Variants in PPP1CB observed in about 807,000 individuals in gnomAD.
The protein encoded by PPP1CB is serine/threonine-protein phosphatase PP1-beta catalytic subunit.
A neutral mutation model predicts 43.7 loss-of-function variants in PPP1CB; 2 were observed. The observed-to-expected ratio is 0.05, with a 90% CI of 0.02 to 0.14. The LOEUF (loss-of-function observed/expected upper bound fraction) is 0.14, where lower values mean the gene tolerates loss of function less well. Among genes scored for constraint, PPP1CB ranks in the 10% least tolerant of loss-of-function variants. PPP1CB has a pLI of 1.00. For synonymous variants in PPP1CB, 136 were observed against 135.6 expected, an observed-to-expected ratio of 1.00 and a Z score of -0.02; for missense variants, 84 against 398.0, an observed-to-expected ratio of 0.21 and a Z score of 6.71.
In PPP1CB at chr2:28,802,748, A is replaced by T. The variant is rs1489153206; in HGVS notation, c.*3445A>T. On this transcript the variant is annotated 3_prime_UTR_variant, in exon 8 of 8. Transcript: ENST00000395366. ...TTTGATCTGTTAAATTGGATTTTACATGTACATTTGAATGCCAGAATTTCT... is the reference window on the plus strand; with the variant it reads ...TTTGATCTGTTAAATTGGATTTTACTTGTACATTTGAATGCCAGAATTTCT... 1 of 152,340 alleles carries T rather than the reference A, an allele frequency of 6.6e-6. No individual in the cohort carries two copies. The highest frequency in any genetic ancestry group is 2.4e-5 in the African/African-American group (1 of 41,580). 9.4% of individuals were successfully genotyped at this position (152,340 alleles called of 1,614,324 possible). A position where few individuals can be genotyped will look rare whatever the true frequency, so the allele number is the denominator to read the frequency against.
intron 1 of PPP1CB, among the ~76,000 whole-genome samples, chr2:28,773,131 A>T (rs147045223): frequency 3.3e-5 from 5 of 152,308 alleles, no homozygotes; most frequent in Admixed American, 6.5e-5. Flanking sequence ...TTACTCAGGT[A>T]TATAGATAGT....
chr2:28,783,627 C>T (rs978024397), intron 4 of PPP1CB, among the ~76,000 whole-genome samples: 1 of 151,866 alleles, frequency 6.6e-6, no homozygotes, highest in Non-Finnish European at 1.5e-5. Context: ...TGTGGTGGCG[C>T]GCGTCTGTAG....
intron 6 of PPP1CB, among the ~76,000 whole-genome samples, chr2:28,791,883 A>G (rs1015203603): frequency 6.6e-6 from 1 of 152,110 alleles, no homozygotes; most frequent in African/African-American, 2.4e-5. Flanking sequence ...TATTGTGCTT[A>G]TTTTCAAATA....
chr2:28,755,852 CAGTTGATAT>C (rs1666477846), intron 1 of PPP1CB, among the ~76,000 whole-genome samples: 1 of 152,078 alleles, frequency 6.6e-6, no homozygotes, highest in African/African-American at 2.4e-5. Context: ...TGGGATGTGC[CAGTTGATAT>C]AGTATGTCTA....
intron 7 of PPP1CB, among the ~76,000 whole-genome samples, chr2:28,795,187 T>C (rs1426180032): frequency 6.6e-6 from 1 of 152,234 alleles, no homozygotes; most frequent in Non-Finnish European, 1.5e-5. Flanking sequence ...TCCTTAATTT[T>C]ATGGTCGCAT....
At chr2:28,787,707 A>G (rs1412681550) in intron 5 of PPP1CB, among the ~76,000 whole-genome samples, 2 of 152,120 alleles carry the variant, frequency 1.3e-5, no homozygotes, top group Admixed American at 6.5e-5. Flanking sequence ...CCCTTTCGGG[A>G]TACGTTTACT....
chr2:28,781,974 AC>A (rs1558306504), intron 4 of PPP1CB, 132 bp downstream of exon 4: 1 of 698,002 alleles, frequency 1.4e-6, no homozygotes, highest in East Asian at 2.7e-5. Flanking sequence ...ACTGTTTTAA[AC>A]ATGGCTAAAC....
intron 1 of PPP1CB, among the ~76,000 whole-genome samples, chr2:28,757,147 T>G (rs2148454658): frequency 6.6e-6 from 1 of 152,306 alleles, no homozygotes; most frequent in Non-Finnish European, 1.5e-5. Context: ...CAATATGTTG[T>G]CTTTTGTGAC....
intron 1 of PPP1CB, among the ~76,000 whole-genome samples, chr2:28,763,983 G>A (rs1449716246): frequency 6.6e-6 from 1 of 152,024 alleles, no homozygotes. Flanking sequence ...TTACAGGCAT[G>A]AGCCACCATG....
chr2:28,778,271 A>G (rs539610178), intron 2 of PPP1CB: 2 of 441,270 alleles, frequency 4.5e-6, no homozygotes, highest in Admixed American at 2.6e-5. Flanking sequence ...TTAGTTACCT[A>G]TTGTTGTATA....
At chr2:28,796,416 C>T (rs1667498452) in intron 7 of PPP1CB, among the ~76,000 whole-genome samples, 1 of 152,132 alleles carries the variant, frequency 6.6e-6, no homozygotes, top group Admixed American at 6.6e-5. Flanking sequence ...ATTCTTCTAT[C>T]CATGAGCATG....
chr2:28,768,270 A>T (rs1234030289), intron 1 of PPP1CB, among the ~76,000 whole-genome samples: 1 of 152,146 alleles, frequency 6.6e-6, no homozygotes, highest in Non-Finnish European at 1.5e-5. Context: ...ATAGATCCCA[A>T]ATAAAAAGTG....
chr2:28,777,543 A>G (rs1667067497), intron 2 of PPP1CB, among the ~76,000 whole-genome samples: 2 of 152,200 alleles, frequency 1.3e-5, no homozygotes, highest in African/African-American at 4.8e-5. Flanking sequence ...AGATTATACT[A>G]CTTTATACCT....
intron 2 of PPP1CB, among the ~76,000 whole-genome samples, chr2:28,777,860 G>C (rs996755777): frequency 6.6e-6 from 1 of 152,122 alleles, no homozygotes; most frequent in Non-Finnish European, 1.5e-5. Flanking sequence ...CTCCATGTTG[G>C]CCAGGCTGGT....
intron 1 of PPP1CB, among the ~76,000 whole-genome samples, chr2:28,770,538 TG>T: frequency 6.6e-6 from 1 of 152,194 alleles, no homozygotes; most frequent in South Asian, 2.1e-4. Context: ...ATAAATTTAA[TG>T]GAAAAATATC....
chr2:28,769,361 C>T (rs914898642), intron 1 of PPP1CB, among the ~76,000 whole-genome samples: 5 of 152,144 alleles, frequency 3.3e-5, no homozygotes, highest in Non-Finnish European at 5.9e-5. Flanking sequence ...TTCAGCCTCC[C>T]GAGTAGCTGG....
intron 1 of PPP1CB, among the ~76,000 whole-genome samples, chr2:28,757,376 A>G (rs113945427): frequency 2.6e-4 from 40 of 152,262 alleles, no homozygotes; most frequent in Middle Eastern, 3.4e-3. Flanking sequence ...TATACTTTCA[A>G]TTCCGTTGGG....
In PPP1CB at chr2:28,776,878, T is replaced by C; in HGVS notation, c.80T>C (p.Val27Ala). Residue 27 changes from valine (V) to alanine (A), a missense_variant, in exon 2 of 8, where the codon GTG becomes GCG. Val to Ala is a moderately conservative substitution (Grantham distance 64). Transcript: ENST00000395366. ...EVRGCRPGKI[V>A]QMTEAEVRGL... ...CGAGGATGTCGTCCAGGAAAGATTG[T>C]GCAGATGACTGAAGCAGAAGTTCGA... 1 of 1,613,314 alleles carries C rather than the reference T, an allele frequency of 6.2e-7. No homozygotes were observed. Among genetic ancestry groups the C allele is most frequent in the Non-Finnish European group, 8.5e-7 (1 of 1,179,380 alleles).
At chr2:28,789,799 A>C (rs1195346913) in intron 6 of PPP1CB, among the ~76,000 whole-genome samples, 3 of 151,710 alleles carry the variant, frequency 2.0e-5, no homozygotes, top group Non-Finnish European at 2.9e-5. Flanking sequence ...GGGTTTCACC[A>C]TGTTGGCCAG....
Sources: gnomAD v4.1 joint callset for allele counts (sites outside exome capture counted in the v4.1 genomes callset) on GRCh38, gnomAD v4.1.1 for gene constraint, MANE v1.5 for transcripts, NCBI Gene and HGNC (gene_info 2026-07-23, HGNC 2026-07-21) for gene names.